MAMLD1: variants seen among roughly 807,000 people sequenced by gnomAD.
MAMLD1 encodes the protein mastermind-like domain-containing protein 1.
MAMLD1 carries 14 observed loss-of-function variants against 45.0 expected under a neutral mutation model. The observed-to-expected ratio is 0.31, with a 90% confidence interval of 0.21 to 0.49. The LOEUF is 0.49. Ranked by LOEUF, MAMLD1 falls within the 20% of genes least tolerant of loss-of-function variation. The probability of loss-of-function intolerance (pLI) is 0.99; values close to 1 mark genes in which losing one functional copy is unlikely to be tolerated. For synonymous variants in MAMLD1, 254 were observed against 247.8 expected, an observed-to-expected ratio of 1.02 and a Z score of -0.24; for missense variants, 543 against 603.6, an observed-to-expected ratio of 0.90 and a Z score of 1.05.
intron 1 of MAMLD1, among the ~76,000 whole-genome samples, chrX:150,407,655 C>A (rs1169302682): frequency 8.9e-6 from 1 of 111,849 alleles, no homozygotes; most frequent in Admixed American, 9.5e-5. Flanking sequence ...CAAAGCACAA[C>A]CAAGGAGCTT....
At chrX:150,505,827 G>A (rs1419687814) in intron 6 of MAMLD1, among the ~76,000 whole-genome samples, 1 of 112,466 alleles carries the variant, frequency 8.9e-6, no homozygotes, top group African/African-American at 3.2e-5. Context: ...TCTGAGGGAC[G>A]ACTAAAGGGA....
At chrX:150,364,111 T>G (rs2031191582) in intron 1 of MAMLD1, among the ~76,000 whole-genome samples, 1 of 112,918 alleles carries the variant, frequency 8.9e-6, no homozygotes, top group African/African-American at 3.2e-5. Flanking sequence ...GGAGCTGAGC[T>G]GGTGTTCAGG....
chrX:150,404,426 C>T (rs2033948553), intron 1 of MAMLD1, among the ~76,000 whole-genome samples: 1 of 111,918 alleles, frequency 8.9e-6, no homozygotes, highest in African/African-American at 3.2e-5. Context: ...ATGAACAAAG[C>T]ATGTTAGTAC....
intron 1 of MAMLD1, among the ~76,000 whole-genome samples, chrX:150,379,198 G>T (rs1205688330): frequency 3.6e-5 from 4 of 111,440 alleles, no homozygotes; most frequent in South Asian, 3.8e-4. Flanking sequence ...CAACAGCAAA[G>T]TTCATTCTAT....
In MAMLD1 at chrX:150,380,235, G is replaced by T. The variant is rs192628633; in HGVS notation, c.-64+16705G>T. Among the ~76,000 whole-genome samples, 35 of 111,604 alleles carry T rather than the reference G, an allele frequency of 3.1e-4. No individual in the cohort carries two copies. The East Asian group carries it at 9.5e-3, about 30-fold the overall frequency. On this transcript the variant is annotated intron_variant, in intron 1 of 7. Coordinates refer to ENST00000370401, the MANE Select transcript of MAMLD1 (RefSeq NM_005491.5). ...TTTACAAATCTGATAGGTGAGAAAT[G>T]GTATCTCAGTGTAGTTTAATTAGCA...
chrX:150,433,956 T>G (rs1317973650), intron 1 of MAMLD1, among the ~76,000 whole-genome samples: 1 of 111,965 alleles, frequency 8.9e-6, no homozygotes, highest in Non-Finnish European at 1.9e-5. Context: ...CCTCCGCAGT[T>G]TTTTGAAATG....
chrX:150,433,726 G>A (rs1176752966), intron 1 of MAMLD1, among the ~76,000 whole-genome samples: 3 of 111,949 alleles, frequency 2.7e-5, no homozygotes, highest in Non-Finnish European at 5.6e-5. Context: ...ATTTGCATAT[G>A]TTGAACCGAC....
At chrX:150,431,749 CCT>C (rs1491390309) in intron 1 of MAMLD1, among the ~76,000 whole-genome samples, 72 of 16,177 alleles carry the variant, frequency 4.5e-3, no homozygotes, top group African/African-American at 8.9e-3. Context: ...GACATGATCT[CCT>C]TTTTTTTTTT....
chrX:150,391,372 ATTGTT>A (rs1252029535), intron 1 of MAMLD1, among the ~76,000 whole-genome samples: 1 of 107,463 alleles, frequency 9.3e-6, no homozygotes, highest in Non-Finnish European at 1.9e-5. Context: ...TTTGTTTTGT[ATTGTT>A]TTGTTTTGTT....
rs1557406712 is a variant in MAMLD1 at position 150,473,794 on chromosome X, T to C, written c.2032T>C (p.Ser678Pro). The C allele has an allele frequency of 1.7e-6, 2 of 1,210,677 alleles. No homozygotes were observed. The highest frequency in any genetic ancestry group is 2.2e-6 in the Non-Finnish European group (2 of 894,361). The change falls in exon 5 of 8, where the codon TCT becomes CCT. Residue 678 changes from serine to proline, a missense_variant. Physicochemically the swap from Ser to Pro is moderately conservative, Grantham distance 74. Transcript: ENST00000370401. ...TCCTCAGCCTGGAGACGTGTCACCG[T>C]CTAACATTGTGAGCCTTTCTGTTTT... ...QDPQPGDVSP[S>P]NITHVDKACK...
Position 150,470,563 on chromosome X carries a change from T to C in MAMLD1, c.990T>C (p.Gly330=). 1 of 1,211,503 alleles carries C rather than the reference T, an allele frequency of 8.3e-7. No individual in the cohort carries two copies. The highest frequency in any genetic ancestry group is 1.1e-6 in the Non-Finnish European group (1 of 895,427). Residue 330 remains glycine (G), a synonymous_variant, in exon 4 of 8, where the codon GGT becomes GGC. Transcript: ENST00000370401. ...KQQGPTPSWS[G]LPPPGLSPPY... ...AAGGGCCCACCCCCAGTTGGTCTGG[T>C]CTGCCTCCTCCAGGACTCTCTCCAC...
intron 7 of MAMLD1, among the ~76,000 whole-genome samples, chrX:150,510,307 A>G (rs1394062628): frequency 3.6e-5 from 4 of 112,082 alleles, no homozygotes; most frequent in Non-Finnish European, 7.5e-5. Flanking sequence ...AGCTATTTCA[A>G]TGGGACAGGG....
At chrX:150,472,914 A>G (rs2036473077) in intron 4 of MAMLD1, among the ~76,000 whole-genome samples, 1 of 111,647 alleles carries the variant, frequency 9.0e-6, no homozygotes, top group Non-Finnish European at 1.9e-5. Flanking sequence ...GCCCAAGTTC[A>G]GGTCCTCTTG....
At chrX:150,416,793 C>T (rs1323393765) in intron 1 of MAMLD1, among the ~76,000 whole-genome samples, 1 of 111,867 alleles carries the variant, frequency 8.9e-6, no homozygotes, top group Non-Finnish European at 1.9e-5. Context: ...GAAGTGGTTC[C>T]AAGAATGGAG....
At chrX:150,403,482 A>C (rs993690836) in intron 1 of MAMLD1, among the ~76,000 whole-genome samples, 1 of 112,032 alleles carries the variant, frequency 8.9e-6, no homozygotes, top group Admixed American at 9.5e-5. Context: ...TCAACAAAAA[A>C]GTCATTGCAG....
intron 1 of MAMLD1, among the ~76,000 whole-genome samples, chrX:150,387,146 T>G (rs1557402080): frequency 8.9e-6 from 1 of 111,819 alleles, no homozygotes; most frequent in Non-Finnish European, 1.9e-5. Context: ...AGGTAAGACA[T>G]TAACTGATTG....
At chrX:150,409,184 T>G (rs2034065663) in intron 1 of MAMLD1, among the ~76,000 whole-genome samples, 1 of 111,635 alleles carries the variant, frequency 9.0e-6, no homozygotes, top group Non-Finnish European at 1.9e-5. Context: ...TCTTGGATTG[T>G]GTTGGGTTTT....
At chrX:150,388,982 C>T (rs908339792) in intron 1 of MAMLD1, among the ~76,000 whole-genome samples, 2 of 111,855 alleles carry the variant, frequency 1.8e-5, no homozygotes, top group Admixed American at 9.5e-5. Flanking sequence ...ATACATTTCC[C>T]TCCCAACTCT....
intron 3 of MAMLD1, among the ~76,000 whole-genome samples, chrX:150,465,912 C>G (rs782558686): frequency 3.6e-5 from 4 of 112,301 alleles, no homozygotes; most frequent in African/African-American, 1.3e-4. Flanking sequence ...CCGCCCCTAC[C>G]AGGATTCTGG....
Sources: gnomAD v4.1 joint callset for allele counts (sites outside exome capture counted in the v4.1 genomes callset) on GRCh38, gnomAD v4.1.1 for gene constraint, MANE v1.5 for transcripts, NCBI Gene and HGNC (gene_info 2026-07-23, HGNC 2026-07-21) for gene names.